The following FOLH1 variants were observed in gnomAD, a reference collection of about 807,000 sequenced individuals.
The protein encoded by FOLH1 is glutamate carboxypeptidase 2.
FOLH1 carries 54 observed loss-of-function variants against 93.9 expected under a neutral mutation model. The observed-to-expected ratio is 0.57, with a 90% CI of 0.46 to 0.72. The LOEUF (loss-of-function observed/expected upper bound fraction) is 0.72, where lower values mean the gene tolerates loss of function less well. FOLH1 is among the 30% of genes least tolerant of loss of function. FOLH1 has a pLI of 0.00. For synonymous variants in FOLH1, 249 were observed against 303.6 expected, an observed-to-expected ratio of 0.82 and a Z score of 1.87; for missense variants, 571 against 892.5, an observed-to-expected ratio of 0.64 and a Z score of 4.59.
At chr11:49,161,732 C>G (rs1033412311) in intron 13 of FOLH1, among the ~76,000 whole-genome samples, 11 of 152,062 alleles carry the variant, frequency 7.2e-5, no homozygotes, top group African/African-American at 2.4e-4. Context: ...GGTCTGTGTA[C>G]TTCAGTGTGT....
At chr11:49,155,836 A>ATATATATATAAT (rs58724476) in intron 15 of FOLH1, among the ~76,000 whole-genome samples, 1 of 121,512 alleles carries the variant, frequency 8.2e-6, no homozygotes, top group Non-Finnish European at 1.8e-5. Context: ...ATATATATAT[A>ATATATATATAAT]ATCAACAACA....
chr11:49,166,123 T>A (rs1047063699), intron 12 of FOLH1, among the ~76,000 whole-genome samples: 1 of 152,238 alleles, frequency 6.6e-6, no homozygotes, highest in Non-Finnish European at 1.5e-5. Flanking sequence ...ATTTTTGTTG[T>A]CTGGTGGTAG....
intron 2 of FOLH1, among the ~76,000 whole-genome samples, chr11:49,201,566 T>A (rs1207190119): frequency 6.6e-6 from 1 of 151,970 alleles, no homozygotes; most frequent in East Asian, 1.9e-4. Flanking sequence ...AGTATTAAAA[T>A]CCTCGTTTGG....
chr11:49,148,696 A>G lies in FOLH1; in HGVS notation c.2006T>C (p.Met669Thr). The change falls in exon 18 of 19, where the codon ATG becomes ACG. Residue 669 changes from methionine to threonine, a missense_variant. Transcript: ENST00000256999. ...IVLRMMNDQLMFLERAFIDPL... is the reference protein window; with the variant it reads ...IVLRMMNDQLTFLERAFIDPL... ...ATCAATAAATGCTCTTTCCAGAAACATGAGTTGATCATTCATCATTCTTAA... is the reference window on the plus strand; with the variant it reads ...ATCAATAAATGCTCTTTCCAGAAACGTGAGTTGATCATTCATCATTCTTAA... 6.2e-7 allele frequency: 1 copy of G among 1,606,416 alleles called. No individual in the cohort carries two copies. Among genetic ancestry groups the G allele is most frequent in the African/African-American group, 1.3e-5 (1 of 74,694 alleles).
intron 4 of FOLH1, among the ~76,000 whole-genome samples, chr11:49,188,479 C>T (rs1861661395): frequency 6.8e-6 from 1 of 147,558 alleles, no homozygotes; most frequent in South Asian, 2.2e-4. Flanking sequence ...TACCACTGCA[C>T]TCCAGCCCGG....
At chr11:49,181,050 A>G (rs1427763200) in intron 7 of FOLH1, among the ~76,000 whole-genome samples, 2 of 152,102 alleles carry the variant, frequency 1.3e-5, no homozygotes, top group Non-Finnish European at 2.9e-5. Flanking sequence ...ATCTAATTCC[A>G]TAATATTATG....
chr11:49,176,100 AC>A (rs1859997620), intron 7 of FOLH1, 143 bp from the exon 8 acceptor site: 1 of 777,650 alleles, frequency 1.3e-6, no homozygotes, highest in African/African-American at 1.8e-5. Context: ...CGTCATTTAA[AC>A]CTTACCATAA....
At chr11:49,194,165 T>C (rs1280692633) in intron 3 of FOLH1, among the ~76,000 whole-genome samples, 2 of 129,722 alleles carry the variant, frequency 1.5e-5, no homozygotes, top group Non-Finnish European at 3.3e-5. Context: ...AGAACAACAA[T>C]ATCCTTCAGG....
At chr11:49,203,262 G>A (rs1202030299) in intron 2 of FOLH1, among the ~76,000 whole-genome samples, 1 of 152,172 alleles carries the variant, frequency 6.6e-6, no homozygotes, top group East Asian at 1.9e-4. Context: ...CCTCTAGAGA[G>A]ATGCAAAATG....
chr11:49,205,918 G>A, intron 2 of FOLH1, 149 bp downstream of exon 2: 5 of 795,808 alleles, frequency 6.3e-6, no homozygotes, highest in Non-Finnish European at 7.4e-6. Context: ...TGAAAGTATA[G>A]TCCTCCTCAG....
intron 16 of FOLH1, 36 bp downstream of exon 16, chr11:49,154,192 A>T: frequency 6.2e-7 from 1 of 1,608,432 alleles, no homozygotes; most frequent in Non-Finnish European, 8.5e-7. Context: ...ATAGAACCAT[A>T]CAGATGAGGA....
At chr11:49,180,540 A>G (rs1461392936) in intron 7 of FOLH1, among the ~76,000 whole-genome samples, 1 of 152,134 alleles carries the variant, frequency 6.6e-6, no homozygotes, top group African/African-American at 2.4e-5. Context: ...TTACTCACAC[A>G]TTTATTAATA....
At position 49,185,460 on chromosome 11, in the gene FOLH1, G is replaced by T. The variant is rs182789348; in HGVS notation, c.826+209C>A. On this transcript the variant is annotated intron_variant, in intron 6 of 18. Transcript: ENST00000256999. ...TAATGTTTTTTAAATAGCTGAATAA[G>T]TCTGAATTTGAAAGCCCACCAGGCC... 10 of 607,614 alleles carry T rather than the reference G, an allele frequency of 1.6e-5. No individual in the cohort carries two copies. The Admixed American group carries it at 1.9e-4, about 12-fold the overall frequency. The allele number at this position is 607,614 out of a possible 1,614,324, so 37.6% of individuals were successfully genotyped here. A position where few individuals can be genotyped will look rare whatever the true frequency, so the allele number is the denominator to read the frequency against.
intron 6 of FOLH1, among the ~76,000 whole-genome samples, chr11:49,183,448 A>G (rs986018173): frequency 6.6e-6 from 1 of 152,170 alleles, no homozygotes; most frequent in Admixed American, 6.5e-5. Context: ...TTATACAATC[A>G]CTTAAGGTAA....
At chr11:49,200,744 A>C (rs767202324) in intron 2 of FOLH1, among the ~76,000 whole-genome samples, 6 of 152,170 alleles carry the variant, frequency 3.9e-5, no homozygotes, top group Admixed American at 1.3e-4. Context: ...TACTTCTTGG[A>C]ACTTACATGG....
intron 2 of FOLH1, among the ~76,000 whole-genome samples, chr11:49,205,743 G>C (rs945358562): frequency 4.6e-5 from 7 of 152,186 alleles, no homozygotes; most frequent in East Asian, 1.9e-4. Flanking sequence ...CATAAGGAAA[G>C]TTTTATCAGA....
chr11:49,204,118 C>T (rs1309681594), intron 2 of FOLH1, among the ~76,000 whole-genome samples: 1 of 151,764 alleles, frequency 6.6e-6, no homozygotes, highest in African/African-American at 2.4e-5. Context: ...GCTCTTTTCC[C>T]AAGGGTTAGG....
chr11:49,147,985 T>C lies in FOLH1; in HGVS notation c.2063+654A>G, dbSNP rs569071467. 3.3e-5 allele frequency among the ~76,000 whole-genome samples: 5 copies of C among 152,026 alleles called. No individual in the cohort carries two copies. In the South Asian group the frequency reaches 1.0e-3, roughly 32 times the overall value. On this transcript the variant is annotated intron_variant, in intron 18 of 18. Coordinates refer to ENST00000256999, the MANE Select transcript of FOLH1 (RefSeq NM_004476.3). The stretch of plus-strand genomic sequence containing the variant: ...AAATATGCTGCTACTGGTGATCTGA[T>C]CCAGTCAACCTGCTTGGAAGATGCT...
At chr11:49,167,046 C>CAAA (rs76160864) in intron 12 of FOLH1, among the ~76,000 whole-genome samples, 5 of 149,728 alleles carry the variant, frequency 3.3e-5, no homozygotes, top group Non-Finnish European at 7.4e-5. Context: ...ACAACAACAA[C>CAAA]AAAAAAAAAC....
Sources: gnomAD v4.1 joint callset for allele counts (sites outside exome capture counted in the v4.1 genomes callset) on GRCh38, gnomAD v4.1.1 for gene constraint, MANE v1.5 for transcripts, NCBI Gene and HGNC (gene_info 2026-07-23, HGNC 2026-07-21) for gene names.